Variants in COL22A1 observed in about 807,000 individuals in gnomAD.
COL22A1 encodes collagen type XXII alpha 1 chain.
Under a neutral mutation model 248.9 loss-of-function variants are expected in COL22A1, and 221 were observed. That is an observed-to-expected ratio of 0.89 (90% confidence interval 0.80 to 0.99). COL22A1 has a LOEUF of 0.99. COL22A1 is among the 50% of genes least tolerant of loss of function. The probability of loss-of-function intolerance (pLI) is 0.00; values close to 1 mark genes in which losing one functional copy is unlikely to be tolerated. For missense variants in COL22A1, 2,240 were observed against 2,179.0 expected (o/e 1.03, Z -0.56); for synonymous variants, 891 against 793.4 (o/e 1.12, Z -2.07).
At chr8:138,908,048 T>A (rs931971006) in intron 1 of COL22A1, among the ~76,000 whole-genome samples, 56 of 151,642 alleles carry the variant, frequency 3.7e-4, no homozygotes, top group African/African-American at 1.3e-3. Context: ...CCCTCCCCAC[T>A]CCCCCACACA....
At chr8:138,894,154 T>G (rs137871604) in intron 1 of COL22A1, among the ~76,000 whole-genome samples, 1 of 152,228 alleles carries the variant, frequency 6.6e-6, no homozygotes, top group African/African-American at 2.4e-5. Context: ...GAAAGAACAT[T>G]AACAAGAAAG....
chr8:138,636,950 A>G (rs538687624), intron 47 of COL22A1, among the ~76,000 whole-genome samples, 155 bp from the exon 48 acceptor site: 1 of 152,314 alleles, frequency 6.6e-6, no homozygotes, highest in South Asian at 2.1e-4. Context: ...GCAGATAGAT[A>G]GAAACAGGGC....
chr8:138,727,734 T>C (rs1276435331), intron 23 of COL22A1, among the ~76,000 whole-genome samples: 3 of 152,040 alleles, frequency 2.0e-5, no homozygotes, highest in Non-Finnish European at 4.4e-5. Context: ...TCCTGGCAAG[T>C]CTTAGGGGTA....
intron 4 of COL22A1, among the ~76,000 whole-genome samples, chr8:138,843,645 T>C (rs1010742934): frequency 6.6e-6 from 1 of 152,188 alleles, no homozygotes; most frequent in African/African-American, 2.4e-5. Flanking sequence ...GGTATTTCTT[T>C]CTGCTGCTGG....
intron 63 of COL22A1, 134 bp downstream of exon 63, chr8:138,593,883 C>A: frequency 1.6e-6 from 1 of 630,740 alleles, no homozygotes; most frequent in South Asian, 3.7e-5. Flanking sequence ...TATATGATGC[C>A]AAAACTCTGG....
intron 60 of COL22A1, 108 bp from the exon 61 acceptor site, chr8:138,599,006 G>C: frequency 8.3e-7 from 1 of 1,210,028 alleles, no homozygotes; most frequent in Non-Finnish European, 1.2e-6. Context: ...CTGAAAGGGA[G>C]ACCTTGGCCC....
At chr8:138,654,338 A>G (rs533825747) in intron 45 of COL22A1, among the ~76,000 whole-genome samples, 1 of 152,236 alleles carries the variant, frequency 6.6e-6, no homozygotes, top group East Asian at 1.9e-4. Flanking sequence ...TAACTACCGC[A>G]CTTGTCAACA....
chr8:138,757,330 AG>A (rs371739318), intron 18 of COL22A1, among the ~76,000 whole-genome samples: 57 of 152,130 alleles, frequency 3.7e-4, no homozygotes, highest in African/African-American at 1.3e-3. Context: ...GTGTGTGTGG[AG>A]GGAGAGAGAG....
At chr8:138,837,167 GAC>G (rs1239098503) in intron 4 of COL22A1, among the ~76,000 whole-genome samples, 1 of 152,176 alleles carries the variant, frequency 6.6e-6, no homozygotes, top group African/African-American at 2.4e-5. Context: ...CCTGCCTGGG[GAC>G]CACAGTGGGA....
intron 3 of COL22A1, among the ~76,000 whole-genome samples, chr8:138,853,370 C>T (rs1250351253): frequency 6.6e-6 from 1 of 152,144 alleles, no homozygotes; most frequent in Non-Finnish European, 1.5e-5. Flanking sequence ...TGGTCTGAAC[C>T]TCTAATACTA....
intron 3 of COL22A1, among the ~76,000 whole-genome samples, chr8:138,859,404 A>C (rs552521219): frequency 6.6e-6 from 1 of 152,332 alleles, no homozygotes; most frequent in African/African-American, 2.4e-5. Context: ...AGCGGACAGA[A>C]CGGGATATGG....
At chr8:138,594,828 T>C (rs982463859) in intron 62 of COL22A1, among the ~76,000 whole-genome samples, 1 of 152,158 alleles carries the variant, frequency 6.6e-6, no homozygotes, top group African/African-American at 2.4e-5. Context: ...TACACAAAGC[T>C]ATGTTGGTCA....
Position 138,630,750 on chromosome 8 carries a change from T to TA in COL22A1, c.3610-3dup. 2 of 1,613,502 alleles carry TA rather than the reference T, an allele frequency of 1.2e-6. No homozygotes were observed. The highest frequency in any genetic ancestry group is 1.7e-6 in the Non-Finnish European group (2 of 1,179,632). ...AGCTCCTGCAATTCCATCTGCCCCC[T>TA]AAAAAAGACAAGGCAGAAAGCTAGT... On this transcript the variant is annotated splice_region_variant and splice_polypyrimidine_tract_variant and intron_variant, in intron 49 of 64. Transcript: ENST00000303045.
rs375862366 is a variant in COL22A1 at position 138,821,426 on chromosome 8, A to G, written c.970-15T>C. 4 of 1,607,010 alleles carry G rather than the reference A, an allele frequency of 2.5e-6. No individual in the cohort carries two copies. Among genetic ancestry groups the G allele is most frequent in the Non-Finnish European group, 3.4e-6 (4 of 1,174,366 alleles). ...CGGATGGAGACCTGGGGAGGAAAGG[A>G]CCAGAGACTCCTTGAGCTTCTTGGG... On this transcript the variant is annotated splice_polypyrimidine_tract_variant and intron_variant, in intron 6 of 64. Transcript: ENST00000303045.
At chr8:138,683,193 C>T (rs1443164875) in intron 39 of COL22A1, among the ~76,000 whole-genome samples, 1 of 152,206 alleles carries the variant, frequency 6.6e-6, no homozygotes, top group African/African-American at 2.4e-5. Flanking sequence ...GGTCCTGAAA[C>T]ACATGATATG....
At chr8:138,740,233 G>T (rs1361332631) in intron 22 of COL22A1, among the ~76,000 whole-genome samples, 1 of 152,212 alleles carries the variant, frequency 6.6e-6, no homozygotes, top group Non-Finnish European at 1.5e-5. Context: ...ATAATCATCG[G>T]AAGTTAGAAT....
intron 56 of COL22A1, among the ~76,000 whole-genome samples, chr8:138,608,614 C>A (rs926304398): frequency 6.6e-6 from 1 of 152,194 alleles, no homozygotes; most frequent in East Asian, 1.9e-4. Context: ...ATATTGTGCA[C>A]ATTCATAGTT....
At chr8:138,755,133 C>G (rs1355287125) in intron 21 of COL22A1, 24 bp downstream of exon 21, 2 of 1,613,424 alleles carry the variant, frequency 1.2e-6, no homozygotes, top group Non-Finnish European at 1.7e-6. Flanking sequence ...AGAGCAAACC[C>G]TGCGCAGGAG....
intron 16 of COL22A1, among the ~76,000 whole-genome samples, chr8:138,763,770 G>A (rs1299215963): frequency 2.0e-5 from 3 of 152,116 alleles, no homozygotes; most frequent in Non-Finnish European, 4.4e-5. Flanking sequence ...ACCCTTCGGG[G>A]CTCAGATTCA....
Sources: allele counts gnomAD v4.1 joint callset (sites outside exome capture counted in the v4.1 genomes callset), GRCh38; gene constraint gnomAD v4.1.1; transcripts MANE v1.5; gene names NCBI Gene and HGNC (gene_info 2026-07-23, HGNC 2026-07-21).